The following PRKG1 variants were observed in gnomAD, a reference collection of about 807,000 sequenced individuals.
The protein encoded by PRKG1 is cGMP-dependent protein kinase 1.
A neutral mutation model predicts 88.1 loss-of-function variants in PRKG1; 35 were observed. The ratio of observed to expected loss-of-function variants is 0.40; its 90% confidence interval spans 0.30 to 0.53. The LOEUF (loss-of-function observed/expected upper bound fraction) is 0.53, where lower values mean the gene tolerates loss of function less well. PRKG1 is among the 20% of genes least tolerant of loss of function. The pLI is 0.59. For synonymous variants in PRKG1, 303 were observed against 292.5 expected, an observed-to-expected ratio of 1.04 and a Z score of -0.37; for missense variants, 540 against 839.8, an observed-to-expected ratio of 0.64 and a Z score of 4.41.
chr10:51,929,681 A>G (rs1842649301), intron 5 of PRKG1, among the ~76,000 whole-genome samples: 1 of 152,174 alleles, frequency 6.6e-6, no homozygotes, highest in Non-Finnish European at 1.5e-5. Context: ...AAACACAGAA[A>G]GTTAGAGGGT....
At chr10:51,381,329 A>G (rs771694329) in intron 2 of PRKG1, among the ~76,000 whole-genome samples, 1 of 147,700 alleles carries the variant, frequency 6.8e-6, no homozygotes, top group Non-Finnish European at 1.5e-5. Flanking sequence ...GAATAAATGC[A>G]TGAGGAAATG....
At chr10:51,618,027 C>T (rs940758749) in intron 3 of PRKG1, among the ~76,000 whole-genome samples, 10 of 152,156 alleles carry the variant, frequency 6.6e-5, no homozygotes, top group African/African-American at 2.4e-4. Flanking sequence ...CCTTTTCATC[C>T]TCATTGCAAT....
intron 5 of PRKG1, among the ~76,000 whole-genome samples, chr10:51,928,958 T>C (rs557613858): frequency 6.6e-6 from 1 of 152,302 alleles, no homozygotes; most frequent in South Asian, 2.1e-4. Flanking sequence ...TTACCTACTT[T>C]TATTTGATAT....
At chr10:52,081,455 A>G (rs1846772311) in intron 7 of PRKG1, 4 of 398,582 alleles carry the variant, frequency 1.0e-5, no homozygotes, top group South Asian at 1.9e-5. Flanking sequence ...GTTAGTTACT[A>G]TATATCTCTC....
intron 9 of PRKG1, among the ~76,000 whole-genome samples, chr10:52,214,313 C>T (rs913168930): frequency 1.3e-5 from 2 of 152,162 alleles, no homozygotes; most frequent in Non-Finnish European, 2.9e-5. Flanking sequence ...GCACATCTCT[C>T]ACTGTTCTCA....
At chr10:51,977,932 C>G (rs1480362178) in intron 5 of PRKG1, among the ~76,000 whole-genome samples, 1 of 151,978 alleles carries the variant, frequency 6.6e-6, no homozygotes, top group Admixed American at 6.6e-5. Flanking sequence ...TCTGTTTATT[C>G]TGTTGATAGT....
chr10:51,580,398 C>G (rs187932341), intron 3 of PRKG1, among the ~76,000 whole-genome samples: 6 of 152,106 alleles, frequency 3.9e-5, no homozygotes, highest in Admixed American at 2.0e-4. Flanking sequence ...ATATTCTTGC[C>G]AACACATGGT....
intron 4 of PRKG1, among the ~76,000 whole-genome samples, chr10:51,886,989 A>ATTG: frequency 6.6e-6 from 1 of 151,882 alleles, no homozygotes; most frequent in East Asian, 1.9e-4. Flanking sequence ...GCCAATTATT[A>ATTG]TGATTGGTAT....
At chr10:51,297,205 G>A (rs1840744261) in intron 2 of PRKG1, among the ~76,000 whole-genome samples, 1 of 152,060 alleles carries the variant, frequency 6.6e-6, no homozygotes, top group South Asian at 2.1e-4. Flanking sequence ...GCATGTTGTG[G>A]GGAGGGTAGA....
intron 3 of PRKG1, among the ~76,000 whole-genome samples, chr10:51,537,045 G>C (rs894204526): frequency 1.3e-5 from 2 of 152,036 alleles, no homozygotes; most frequent in Non-Finnish European, 2.9e-5. Flanking sequence ...TATGGTAAAA[G>C]GTAGATGTCC....
chr10:51,468,345 T>C (rs1839961366), intron 3 of PRKG1, among the ~76,000 whole-genome samples: 1 of 151,840 alleles, frequency 6.6e-6, no homozygotes, highest in Admixed American at 6.6e-5. Context: ...TGCCCTCAGC[T>C]GCTCATCAAG....
rs113973267 is a variant in PRKG1, at chr10:51,712,658, C to T, written c.593-91927C>T. ...AGGCTGGAGTGCAGTGGCGCAGTCT[C>T]GGCTCACTGCAATCTCTGCCTCCCA... On this transcript the variant is annotated intron_variant, in intron 3 of 17. Transcript: ENST00000373980. Among the ~76,000 whole-genome samples, 693 of 133,058 alleles carry T rather than the reference C, an allele frequency of 5.2e-3. 10 individuals carry two copies. The highest frequency in any genetic ancestry group is 0.038 in the Middle Eastern group (7 of 184). The allele number at this position is 133,058 out of a possible 152,430, so 87.3% of individuals were successfully genotyped here. A position where few individuals can be genotyped will look rare whatever the true frequency, so the allele number is the denominator to read the frequency against.
At chr10:51,247,604 G>A (rs141502365) in intron 2 of PRKG1, among the ~76,000 whole-genome samples, 1 of 151,924 alleles carries the variant, frequency 6.6e-6, no homozygotes. Flanking sequence ...ACAGGACGTT[G>A]TTTAACTTGT....
At chr10:51,766,630 A>G (rs1838170833) in intron 3 of PRKG1, among the ~76,000 whole-genome samples, 2 of 152,122 alleles carry the variant, frequency 1.3e-5, no homozygotes, top group African/African-American at 4.8e-5. Context: ...CCTATGGGGA[A>G]GAGAGAGAAT....
intron 4 of PRKG1, among the ~76,000 whole-genome samples, chr10:51,873,917 AT>A (rs141952454): frequency 0.13 from 20,523 of 152,030 alleles, 1,632 homozygotes; most frequent in Admixed American, 0.19. Flanking sequence ...ATTTATTTGC[AT>A]TTTTTTTAAA....
At chr10:52,068,424 T>C (rs59750711) in intron 7 of PRKG1, among the ~76,000 whole-genome samples, 3,880 of 152,224 alleles carry the variant, frequency 0.025, 150 homozygotes, top group African/African-American at 0.089. Flanking sequence ...GCATAGCATA[T>C]GGCTAAGAGA....
chr10:51,841,691 T>C (rs1165596008), intron 4 of PRKG1, among the ~76,000 whole-genome samples: 1 of 152,190 alleles, frequency 6.6e-6, no homozygotes, highest in African/African-American at 2.4e-5. Flanking sequence ...ATGTGTTTTT[T>C]TTCATTTTTG....
At chr10:52,144,530 G>T (rs966358797) in intron 8 of PRKG1, among the ~76,000 whole-genome samples, 3 of 152,172 alleles carry the variant, frequency 2.0e-5, no homozygotes, top group Non-Finnish European at 4.4e-5. Context: ...TTAGTCTAGG[G>T]CCAGGCACAG....
rs1028813275 is a variant in PRKG1 at position 51,112,596 on chromosome 10, T to C, written c.311+37695T>C. Reference sequence around the variant, plus strand: ...AAATTTACAAAACTATTGTGACATATGAGGTTTGAACTAGATCTGGATGTA... The same window carrying C: ...AAATTTACAAAACTATTGTGACATACGAGGTTTGAACTAGATCTGGATGTA... On this transcript the variant is annotated intron_variant, in intron 1 of 17. Transcript: ENST00000373980. 1.7e-4 allele frequency among the ~76,000 whole-genome samples: 26 copies of C among 152,118 alleles called. 1 individual carries two copies. Among genetic ancestry groups the C allele is most frequent in the Admixed American group, 1.6e-3 (25 of 15,246 alleles).
Sources: allele counts gnomAD v4.1 joint callset (sites outside exome capture counted in the v4.1 genomes callset), GRCh38; gene constraint gnomAD v4.1.1; transcripts MANE v1.5; gene names NCBI Gene and HGNC (gene_info 2026-07-23, HGNC 2026-07-21).